SAMD12: variants seen among roughly 807,000 people sequenced by gnomAD.
SAMD12 encodes sterile alpha motif domain-containing protein 12.
A neutral mutation model predicts 15.0 loss-of-function variants in SAMD12; 9 were observed. That is an observed-to-expected ratio of 0.60 (90% CI 0.36 to 1.05). The LOEUF (loss-of-function observed/expected upper bound fraction) is 1.05. Among genes scored for constraint, SAMD12 ranks in the 50% least tolerant of loss-of-function variants. The pLI is 0.01. For synonymous variants in SAMD12, 86 were observed against 90.1 expected (o/e 0.96, Z 0.25); for missense variants, 230 against 234.2 (o/e 0.98, Z 0.12).
chr8:118,368,787 C>T (rs374535464), intron 4 of SAMD12, among the ~76,000 whole-genome samples: 3 of 152,188 alleles, frequency 2.0e-5, no homozygotes, highest in Admixed American at 2.0e-4. Flanking sequence ...ATCCACCTCT[C>T]GCTAGCACTA....
chr8:118,174,083 T>C, the SAMD12 span, among the ~76,000 whole-genome samples: 1 of 152,250 alleles, frequency 6.6e-6, no homozygotes, highest in Non-Finnish European at 1.5e-5. Flanking sequence ...TTAAAAGTAC[T>C]GGACCTTGGG....
chr8:118,395,002 T>G (rs1820483603), intron 3 of SAMD12: 1 of 152,236 alleles, frequency 6.6e-6, no homozygotes, highest in South Asian at 2.1e-4. Context: ...AGTAAGTTGC[T>G]TACCCTGCTT....
chr8:118,462,777 C>G (rs1000019838), intron 2 of SAMD12, among the ~76,000 whole-genome samples: 36 of 152,088 alleles, frequency 2.4e-4, no homozygotes, highest in African/African-American at 6.3e-4. Flanking sequence ...TCCCCGTGTG[C>G]TAGGATAAAA....
chr8:118,615,983 T>G (rs1426409358), intron 1 of SAMD12, among the ~76,000 whole-genome samples: 1 of 152,198 alleles, frequency 6.6e-6, no homozygotes, highest in Non-Finnish European at 1.5e-5. Context: ...GGAAGGAATT[T>G]TCAATGACGA....
At chr8:118,381,265 A>G (rs1181567523) in intron 3 of SAMD12, among the ~76,000 whole-genome samples, 3 of 152,186 alleles carry the variant, frequency 2.0e-5, no homozygotes, top group African/African-American at 7.2e-5. Context: ...TGGAACCTGC[A>G]TTTGTAAGGG....
chr8:118,489,385 C>G (rs552993532), intron 2 of SAMD12, among the ~76,000 whole-genome samples: 3 of 152,036 alleles, frequency 2.0e-5, no homozygotes, highest in African/African-American at 7.2e-5. Context: ...CATTTTTGTG[C>G]TTTGTTTCAG....
chr8:118,302,617 C>T (rs530482305), intron 4 of SAMD12, among the ~76,000 whole-genome samples: 4 of 152,246 alleles, frequency 2.6e-5, no homozygotes, highest in Admixed American at 6.5e-5. Flanking sequence ...AGTCCAGTAA[C>T]GTAATTTAGC....
intron 3 of SAMD12, among the ~76,000 whole-genome samples, chr8:118,405,171 C>G (rs970540854): frequency 3.3e-5 from 5 of 152,120 alleles, no homozygotes; most frequent in African/African-American, 9.7e-5. Flanking sequence ...GAAATAATCT[C>G]TTTTGAAAAC....
intron 2 of SAMD12, among the ~76,000 whole-genome samples, chr8:118,517,824 C>T (rs1030319454): frequency 1.1e-4 from 17 of 152,164 alleles, no homozygotes; most frequent in African/African-American, 4.1e-4. Context: ...ACCTCTAAAT[C>T]AACTCATACC....
intron 4 of SAMD12, among the ~76,000 whole-genome samples, chr8:118,269,542 T>C (rs1266512655): frequency 6.6e-6 from 1 of 152,154 alleles, no homozygotes; most frequent in Non-Finnish European, 1.5e-5. Context: ...TAGGCTTCCA[T>C]AGAGCATTGC....
chr8:118,599,932 A>G (rs1282531998), intron 1 of SAMD12, among the ~76,000 whole-genome samples: 1 of 152,172 alleles, frequency 6.6e-6, no homozygotes, highest in Non-Finnish European at 1.5e-5. Flanking sequence ...AGAAACCCAG[A>G]TCAAGACTCC....
chr8:118,550,348 G>A (rs1386089707), intron 2 of SAMD12, among the ~76,000 whole-genome samples: 1 of 152,200 alleles, frequency 6.6e-6, no homozygotes, highest in Non-Finnish European at 1.5e-5. Context: ...AACCCTACAA[G>A]CCAAAAGAGA....
chr8:118,221,952 G>C (rs186286237), intron 4 of SAMD12, among the ~76,000 whole-genome samples: 30 of 152,310 alleles, frequency 2.0e-4, no homozygotes, highest in Middle Eastern at 3.4e-3. Flanking sequence ...GAACAGAGAA[G>C]AACTTCAGTG....
rs116145696 is a variant in SAMD12 at position 118,506,661 on chromosome 8, G to A, written c.193-66700C>T. Reference sequence around the variant, plus strand: ...ATGTGTATTTGATACCATGACCAGCGTTGGCTGACAGGCACTAGAGTCACA... The same window carrying A: ...ATGTGTATTTGATACCATGACCAGCATTGGCTGACAGGCACTAGAGTCACA... On this transcript the variant is annotated intron_variant, in intron 2 of 3. Coordinates refer to ENST00000314727, the MANE Select transcript of SAMD12 (RefSeq NM_207506.3). 3.3e-3 allele frequency among the ~76,000 whole-genome samples: 507 copies of A among 152,018 alleles called. 3 individuals are homozygous for A. Among genetic ancestry groups the A allele is most frequent in the African/African-American group, 0.012 (484 of 41,460 alleles).
chr8:118,572,866 C>T (rs191927365), intron 2 of SAMD12, among the ~76,000 whole-genome samples: 8 of 151,976 alleles, frequency 5.3e-5, no homozygotes, highest in African/African-American at 1.9e-4. Flanking sequence ...TCCCCATAAT[C>T]CCCACGTGTT....
intron 2 of SAMD12, among the ~76,000 whole-genome samples, chr8:118,472,441 C>T (rs919368457): frequency 4.0e-5 from 6 of 151,808 alleles, no homozygotes; most frequent in African/African-American, 7.3e-5. Flanking sequence ...AAACCCTTGG[C>T]TTTGGGAGGC....
At chr8:118,188,505 C>A (rs1819281788), downstream of SAMD12, among the ~76,000 whole-genome samples, 1 of 152,086 alleles carries the variant, frequency 6.6e-6, no homozygotes, top group Admixed American at 6.6e-5. Flanking sequence ...CTCAGAAAAC[C>A]AAACAAACAC....
intron 3 of SAMD12, among the ~76,000 whole-genome samples, chr8:118,388,926 T>G (rs1345912051): frequency 6.6e-6 from 1 of 152,226 alleles, no homozygotes; most frequent in South Asian, 2.1e-4. Context: ...AGAACATTAT[T>G]TGGTTTCTCA....
At chr8:118,162,159 C>CA in the SAMD12 span, among the ~76,000 whole-genome samples, 862 of 140,238 alleles carry the variant, frequency 6.1e-3, 6 homozygotes, top group African/African-American at 0.021. Context: ...GACTCTGTCT[C>CA]AAAAAAAAAA....
Sources: allele counts gnomAD v4.1 joint callset (sites outside exome capture counted in the v4.1 genomes callset), GRCh38; gene constraint gnomAD v4.1.1; transcripts MANE v1.5; gene names NCBI Gene and HGNC (gene_info 2026-07-23, HGNC 2026-07-21).